SLC8A3: variants seen among roughly 807,000 people sequenced by gnomAD.
The protein encoded by SLC8A3 is solute carrier family 8 member A3, also known as sodium/calcium exchanger 3.
In SLC8A3, 37 loss-of-function variants were observed where a neutral mutation model predicts 65.4. The observed-to-expected ratio is 0.57, with a 90% CI of 0.44 to 0.74. SLC8A3 has a LOEUF of 0.74. SLC8A3 is among the 30% of genes least tolerant of loss of function. The probability of loss-of-function intolerance (pLI) is 0.00; values close to 1 mark genes in which losing one functional copy is unlikely to be tolerated. For missense variants in SLC8A3, 1,112 were observed against 1,172.1 expected (o/e 0.95, Z 0.75); for synonymous variants, 461 against 444.5 (o/e 1.04, Z -0.47).
intron 2 of SLC8A3, among the ~76,000 whole-genome samples, chr14:70,159,423 AAC>A (rs1896755911): frequency 2.0e-5 from 3 of 149,994 alleles, no homozygotes; most frequent in Non-Finnish European, 2.9e-5. Context: ...AAAAAAAAAA[AAC>A]AAAAAAAACC....
At chr14:70,055,242 C>G (rs1044072373) in intron 3 of SLC8A3, among the ~76,000 whole-genome samples, 4 of 152,128 alleles carry the variant, frequency 2.6e-5, no homozygotes, top group Non-Finnish European at 5.9e-5. Flanking sequence ...GGGTCAATGA[C>G]AAATGAACCA....
Position 70,166,659 on chromosome 14 carries a change from T to A in SLC8A3, c.1764A>T (p.Glu588Asp). ...CTTACACAGTTTCATCATTCTTGAATTCCAACTCCCCATATGTGTCTTCAA... is the reference window on the plus strand; with the variant it reads ...CTTACACAGTTTCATCATTCTTGAAATCCAACTCCCCATATGTGTCTTCAA... ...EDFEDTYGEL[E>D]FKNDETVKTI... Residue 588 changes from glutamate to aspartate, a missense_variant, in exon 2 of 7, where the codon GAA becomes GAT. By Grantham distance (45) the Glu-to-Asp change is conservative. Coordinates refer to ENST00000356921, the MANE Select transcript of SLC8A3 (RefSeq NM_182932.3). 6.3e-7 allele frequency: 1 copy of A among 1,596,248 alleles called. No individual in the cohort carries two copies. The highest frequency in any genetic ancestry group is 1.7e-5 in the Admixed American group (1 of 57,692).
chr14:70,175,053 C>A (rs1216334857), intron 1 of SLC8A3, among the ~76,000 whole-genome samples: 1 of 152,082 alleles, frequency 6.6e-6, no homozygotes, highest in Non-Finnish European at 1.5e-5. Flanking sequence ...GACTTCTGAA[C>A]CGTCTGACAG....
intron 2 of SLC8A3, 86 bp from the exon 3 acceptor site, chr14:70,061,025 C>T (rs936793318): frequency 3.2e-5 from 21 of 657,110 alleles, no homozygotes; most frequent in East Asian, 5.1e-5. Context: ...AATCATTCCC[C>T]GTCATTCCTG....
chr14:70,158,992 C>G (rs1229803438), intron 2 of SLC8A3, among the ~76,000 whole-genome samples: 1 of 152,232 alleles, frequency 6.6e-6, no homozygotes, highest in Non-Finnish European at 1.5e-5. Context: ...GGGCCGTGCT[C>G]TATTTGCAGA....
intron 2 of SLC8A3, among the ~76,000 whole-genome samples, chr14:70,111,873 G>A (rs1893327574): frequency 6.6e-6 from 1 of 152,200 alleles, no homozygotes. Flanking sequence ...CTAGATGAGG[G>A]GAGAGGAGGA....
In SLC8A3 at chr14:70,175,611, C is replaced by T. The variant is rs1897855589; in HGVS notation, c.-62-7127G>A. 1.3e-5 allele frequency among the ~76,000 whole-genome samples: 2 copies of T among 152,158 alleles called. 1 individual carries two copies. The highest frequency in any genetic ancestry group is 4.1e-4 in the South Asian group (2 of 4,826). On this transcript the variant is annotated intron_variant, in intron 1 of 6. Coordinates refer to ENST00000356921, the MANE Select transcript of SLC8A3 (RefSeq NM_182932.3). ...CATTTATTCTCTTGGGTTCCTCTAA[C>T]ACTTTGGTCATCCCTGAAGCACTTG... is the stretch of plus-strand genomic sequence containing the variant.
chr14:70,061,057 C>T (rs1466485857), intron 2 of SLC8A3, 118 bp from the exon 3 acceptor site: 1 of 584,242 alleles, frequency 1.7e-6, no homozygotes, highest in East Asian at 2.8e-5. Context: ...CCAGTCCCAC[C>T]ATGGTGGCTT....
chr14:70,045,834 G>T lies in SLC8A3; in HGVS notation c.*113C>A. On this transcript the variant is annotated 3_prime_UTR_variant, in exon 7 of 7. Coordinates refer to ENST00000356921, the MANE Select transcript of SLC8A3 (RefSeq NM_182932.3). ...GTTGGGTGAAGTTCCTGGGGCTTAG[G>T]TCCTGATGCTGCCTCTCCAGGGCAG... 1 of 1,101,676 alleles carries T rather than the reference G, an allele frequency of 9.1e-7. No individual in the cohort carries two copies. The highest frequency in any genetic ancestry group is 1.3e-6 in the Non-Finnish European group (1 of 789,636). The allele number at this position is 1,101,676 out of a possible 1,614,324, so 68.2% of individuals were successfully genotyped here.
intron 2 of SLC8A3, among the ~76,000 whole-genome samples, chr14:70,143,801 C>G (rs1391350911): frequency 1.3e-5 from 2 of 152,136 alleles, no homozygotes; most frequent in East Asian, 1.9e-4. Flanking sequence ...CTCTTCCCCC[C>G]AGAGAACCAG....
At position 70,116,571 on chromosome 14, in the gene SLC8A3, T is replaced by C. The variant is rs186045143; in HGVS notation, c.1784+50068A>G. On this transcript the variant is annotated intron_variant, in intron 2 of 6. Coordinates refer to ENST00000356921, the MANE Select transcript of SLC8A3 (RefSeq NM_182932.3). The stretch of plus-strand genomic sequence containing the variant: ...ACCCACTTCATCATTGGTTCTCAGG[T>C]ACAACAGTATGTCATTAATATACCG... Among the ~76,000 whole-genome samples, 98 of 152,268 alleles carry C rather than the reference T, an allele frequency of 6.4e-4. 1 individual carries two copies. Among genetic ancestry groups the C allele is most frequent in the South Asian group, 4.1e-3 (20 of 4,820 alleles).
chr14:70,110,384 G>A (rs1441302492), intron 2 of SLC8A3, among the ~76,000 whole-genome samples: 2 of 118,382 alleles, frequency 1.7e-5, no homozygotes, highest in Non-Finnish European at 3.2e-5. Context: ...TACTCTCTAT[G>A]TCCATAGGTT....
intron 2 of SLC8A3, among the ~76,000 whole-genome samples, chr14:70,111,242 A>G (rs1234693549): frequency 6.6e-6 from 1 of 152,148 alleles, no homozygotes; most frequent in Non-Finnish European, 1.5e-5. Flanking sequence ...TGTAGTTTTG[A>G]TTTGCATTTC....
chr14:70,164,797 C>T (rs1430736088), intron 2 of SLC8A3, among the ~76,000 whole-genome samples: 2 of 152,224 alleles, frequency 1.3e-5, no homozygotes, highest in African/African-American at 2.4e-5. Context: ...TTCTTCCACA[C>T]TGACATCGCG....
chr14:70,086,578 C>T (rs1314795702), intron 2 of SLC8A3, among the ~76,000 whole-genome samples: 3 of 151,886 alleles, frequency 2.0e-5, no homozygotes, highest in South Asian at 2.1e-4. Context: ...TTTTTTAATA[C>T]TTTTTGGTAG....
At chr14:70,119,824 C>A (rs1893925445) in intron 2 of SLC8A3, among the ~76,000 whole-genome samples, 4 of 152,220 alleles carry the variant, frequency 2.6e-5, no homozygotes, top group Admixed American at 2.6e-4. Context: ...CATTGCCTGA[C>A]AAATAACGTT....
intron 2 of SLC8A3, among the ~76,000 whole-genome samples, chr14:70,165,616 T>G (rs1398397371): frequency 1.3e-5 from 2 of 152,240 alleles, no homozygotes; most frequent in African/African-American, 4.8e-5. Context: ...GAAAGTCTAC[T>G]TTCTCATAAG....
chr14:70,130,098 T>C (rs1894721196), intron 2 of SLC8A3, among the ~76,000 whole-genome samples: 1 of 152,248 alleles, frequency 6.6e-6, no homozygotes, highest in African/African-American at 2.4e-5. Context: ...TCTACTGTTC[T>C]CTGCTTCGTC....
At chr14:70,101,092 T>C (rs2140106435) in intron 2 of SLC8A3, among the ~76,000 whole-genome samples, 1 of 152,354 alleles carries the variant, frequency 6.6e-6, no homozygotes, top group South Asian at 2.1e-4. Flanking sequence ...GCATACCTAC[T>C]AGGTGACAGG....
Sources: allele counts gnomAD v4.1 joint callset (sites outside exome capture counted in the v4.1 genomes callset), GRCh38; gene constraint gnomAD v4.1.1; transcripts MANE v1.5; gene names NCBI Gene and HGNC (gene_info 2026-07-23, HGNC 2026-07-21).